ARL6: variants seen among roughly 807,000 people sequenced by gnomAD.
ARL6 encodes ARF like GTPase 6.
A neutral mutation model predicts 27.1 loss-of-function variants in ARL6; 18 were observed. That is an observed-to-expected ratio of 0.66 (90% CI 0.46 to 0.98). The LOEUF (loss-of-function observed/expected upper bound fraction) is 0.98, where lower values mean the gene tolerates loss of function less well. Among genes scored for constraint, ARL6 ranks in the 50% least tolerant of loss-of-function variants. ARL6 has a pLI of 0.00. For missense variants in ARL6, 187 were observed against 214.9 expected (o/e 0.87, Z 0.81); for synonymous variants, 65 against 72.3 (o/e 0.90, Z 0.51).
chr3:97,784,208 A>G (rs541573723), intron 4 of ARL6, among the ~76,000 whole-genome samples: 17 of 152,002 alleles, frequency 1.1e-4, no homozygotes, highest in Admixed American at 9.8e-4. Context: ...TAGAACCATT[A>G]AAAGAAGATA....
At position 97,801,077 on chromosome 3, in the gene ARL6, G is replaced by A. The variant is rs1029730265; in HGVS notation, c.*3028G>A. 3 of 152,100 alleles carry A rather than the reference G, an allele frequency of 2.0e-5. No homozygotes were observed. Among genetic ancestry groups the A allele is most frequent in the Non-Finnish European group, 4.4e-5 (3 of 68,028 alleles). 9.4% of individuals were successfully genotyped at this position (152,100 alleles called of 1,614,324 possible). A position where few individuals can be genotyped will look rare whatever the true frequency, so the allele number is the denominator to read the frequency against. ...CAAATTCATCTTGCTTATAACTCTG[G>A]TGCATGTGCATTAAAATACTATTGC... is the stretch of plus-strand genomic sequence containing the variant. On this transcript the variant is annotated 3_prime_UTR_variant, in exon 8 of 8. Transcript: ENST00000463745.
At chr3:97,774,084 T>G (rs963712251) in intron 2 of ARL6, among the ~76,000 whole-genome samples, 1 of 152,218 alleles carries the variant, frequency 6.6e-6, no homozygotes, top group South Asian at 2.1e-4. Context: ...ACCTCCGTTG[T>G]GGAGTGATAG....
chr3:97,774,016 A>G (rs1559673778), intron 2 of ARL6, among the ~76,000 whole-genome samples: 2 of 152,230 alleles, frequency 1.3e-5, no homozygotes, highest in Non-Finnish European at 2.9e-5. Context: ...ATCACAGGGC[A>G]TGGTAATACA....
At chr3:97,787,883 GAA>G in intron 5 of ARL6, 105 bp from the exon 6 acceptor site, 1 of 1,133,898 alleles carries the variant, frequency 8.8e-7, no homozygotes, top group South Asian at 1.3e-5. Context: ...TGTGTGATAT[GAA>G]AAAAGATAAT....
chr3:97,788,822 A>G, intron 6 of ARL6, among the ~76,000 whole-genome samples: 1 of 152,208 alleles, frequency 6.6e-6, no homozygotes, highest in East Asian at 1.9e-4. Flanking sequence ...AAAATATTCT[A>G]ATAAGGATAA....
intron 2 of ARL6, among the ~76,000 whole-genome samples, chr3:97,773,570 C>G (rs1300112463): frequency 6.6e-6 from 1 of 152,138 alleles, no homozygotes; most frequent in Non-Finnish European, 1.5e-5. Flanking sequence ...ATACAACTAT[C>G]CTTCGTACAA....
chr3:97,788,565 G>T (rs757355433), intron 6 of ARL6, among the ~76,000 whole-genome samples: 13 of 151,852 alleles, frequency 8.6e-5, no homozygotes, highest in Admixed American at 8.5e-4. Context: ...ATACAGGTGT[G>T]TTAGCTCCCT....
At chr3:97,788,164 T>C (rs764718674) in intron 6 of ARL6, 45 bp downstream of exon 6, 3 of 1,590,342 alleles carry the variant, frequency 1.9e-6, no homozygotes, top group African/African-American at 1.3e-5. Context: ...CTGAAAAATA[T>C]ACAAGCTTCA....
chr3:97,781,764 T>C (rs887775375), intron 4 of ARL6, among the ~76,000 whole-genome samples: 1 of 152,110 alleles, frequency 6.6e-6, no homozygotes, highest in African/African-American at 2.4e-5. Flanking sequence ...TGTTAGGACT[T>C]CATTTAAGAG....
intron 2 of ARL6, among the ~76,000 whole-genome samples, chr3:97,770,851 G>A (rs1197856204): frequency 1.3e-5 from 2 of 151,834 alleles, no homozygotes; most frequent in African/African-American, 4.8e-5. Flanking sequence ...TTTATTTCTG[G>A]CTTCTCTGTT....
At position 97,788,111 on chromosome 3, in the gene ARL6, G is replaced by C. The variant is rs1559687672; in HGVS notation, c.471G>C (p.Trp157Cys). The C allele has an allele frequency of 6.2e-7, 1 of 1,612,572 alleles. No homozygotes were observed. Among genetic ancestry groups the C allele is most frequent in the Non-Finnish European group, 8.5e-7 (1 of 1,179,436 alleles). ...LCLENIKDKPWHICASDAIKG... is the reference protein window; with the variant it reads ...LCLENIKDKPCHICASDAIKG... ...TAGAGAACATCAAAGATAAACCCTGGCATATTTGGTAAAGTTTTATATTTA... is the reference window on the plus strand; with the variant it reads ...TAGAGAACATCAAAGATAAACCCTGCCATATTTGGTAAAGTTTTATATTTA... Residue 157 changes from tryptophan to cysteine, a missense_variant, in exon 6 of 8, where the codon TGG (tryptophan) becomes TGC (cysteine). Transcript: ENST00000463745.
At chr3:97,787,616 T>G (rs1241269091) in intron 5 of ARL6, among the ~76,000 whole-genome samples, 3 of 152,184 alleles carry the variant, frequency 2.0e-5, no homozygotes, top group African/African-American at 7.2e-5. Context: ...TTAAATAAGT[T>G]CCCAGTTTCT....
chr3:97,774,360 C>CAA (rs2036790116), intron 2 of ARL6, among the ~76,000 whole-genome samples: 1 of 151,968 alleles, frequency 6.6e-6, no homozygotes, highest in African/African-American at 2.4e-5. Flanking sequence ...TAGAAGCAGG[C>CAA]GGGGGTATTG....
At chr3:97,775,878 A>G (rs2036874820) in intron 2 of ARL6, among the ~76,000 whole-genome samples, 1 of 152,176 alleles carries the variant, frequency 6.6e-6, no homozygotes, top group African/African-American at 2.4e-5. Flanking sequence ...AGAATGTTCC[A>G]TTTGATGATG....
rs191746266 is a variant in ARL6, at chr3:97,800,523, G to A, written c.*2474G>A. On this transcript the variant is annotated 3_prime_UTR_variant, in exon 8 of 8. Coordinates refer to ENST00000463745, the MANE Select transcript of ARL6 (RefSeq NM_001278293.3). Reference sequence around the variant, plus strand: ...TTGTATATGGCCCTATTCAGCCTGTGCTTTATAAATCACAAAAGAGCTGGG... The same window carrying A: ...TTGTATATGGCCCTATTCAGCCTGTACTTTATAAATCACAAAAGAGCTGGG... 3.9e-5 allele frequency: 6 copies of A among 152,172 alleles called. No individual in the cohort carries two copies. In the East Asian group the frequency reaches 1.2e-3, roughly 29 times the overall value. The allele number at this position is 152,172 out of a possible 1,614,324, so 9.4% of individuals were successfully genotyped here. A position where few individuals can be genotyped will look rare whatever the true frequency, so the allele number is the denominator to read the frequency against.
chr3:97,798,937 T>C lies in ARL6; in HGVS notation c.*888T>C, dbSNP rs2038128488. 1.3e-5 allele frequency: 2 copies of C among 152,106 alleles called. No homozygotes were observed. Among genetic ancestry groups the C allele is most frequent in the South Asian group, 2.1e-4 (1 of 4,832 alleles). The allele number at this position is 152,106 out of a possible 1,614,324, so 9.4% of individuals were successfully genotyped here. On this transcript the variant is annotated 3_prime_UTR_variant, in exon 8 of 8. Transcript: ENST00000463745. ...ATGCCTCCAATTTACCATAGCACTT[T>C]GTTAAAATAAATTGTGACTTTTAAC...
chr3:97,788,100 G>T lies in ARL6; in HGVS notation c.460G>T (p.Asp154Tyr), dbSNP rs1487153733. The stretch of plus-strand genomic sequence containing the variant: ...GTTGCTGTGTTTAGAGAACATCAAA[G>T]ATAAACCCTGGCATATTTGGTAAAG... Reference protein sequence around the residue: ...SQLLCLENIKDKPWHICASDA... With the variant: ...SQLLCLENIKYKPWHICASDA... Residue 154 changes from aspartate (D) to tyrosine (Y), a missense_variant, in exon 6 of 8, where the codon GAT (aspartate) becomes TAT (tyrosine). Physicochemically the swap from Asp to Tyr is radical, Grantham distance 160. Transcript: ENST00000463745. 6.2e-7 allele frequency: 1 copy of T among 1,613,092 alleles called. No individual in the cohort carries two copies. Among genetic ancestry groups the T allele is most frequent in the Non-Finnish European group, 8.5e-7 (1 of 1,179,528 alleles).
intron 2 of ARL6, among the ~76,000 whole-genome samples, chr3:97,773,933 C>A (rs1398765543): frequency 6.6e-6 from 1 of 152,178 alleles, no homozygotes; most frequent in Non-Finnish European, 1.5e-5. Context: ...GTGACCCAAA[C>A]CTTCATTCCT....
intron 5 of ARL6, among the ~76,000 whole-genome samples, chr3:97,787,784 G>A (rs936981655): frequency 5.3e-5 from 8 of 152,066 alleles, no homozygotes; most frequent in African/African-American, 1.9e-4. Context: ...CCAGAGGGCA[G>A]ATGGTCCTAG....
Sources: gnomAD v4.1 joint callset for allele counts (sites outside exome capture counted in the v4.1 genomes callset) on GRCh38, gnomAD v4.1.1 for gene constraint, MANE v1.5 for transcripts, NCBI Gene and HGNC (gene_info 2026-07-23, HGNC 2026-07-21) for gene names.